HMCN2: variants seen among roughly 807,000 people sequenced by gnomAD.
HMCN2 encodes the protein hemicentin-2.
HMCN2 carries 325 observed loss-of-function variants against 377.5 expected under a neutral mutation model. The ratio of observed to expected loss-of-function variants is 0.86; its 90% confidence interval spans 0.79 to 0.94. The LOEUF (loss-of-function observed/expected upper bound fraction) is 0.94, where lower values mean the gene tolerates loss of function less well. HMCN2 is among the 40% of genes least tolerant of loss of function. The probability of loss-of-function intolerance (pLI) is 0.00; values close to 1 mark genes in which losing one functional copy is unlikely to be tolerated. For missense variants in HMCN2, 4,543 were observed against 4,725.3 expected (o/e 0.96, Z 1.13); for synonymous variants, 2,007 against 2,046.8 (o/e 0.98, Z 0.53).
rs1435694047 is a variant in HMCN2 at position 130,382,217 on chromosome 9, C to G, written c.8465C>G (p.Ala2822Gly). The G allele has an allele frequency of 4.1e-6, 4 of 985,736 alleles. No homozygotes were observed. In the African/African-American group the frequency reaches 7.0e-5, roughly 17 times the overall value. 61.1% of individuals were successfully genotyped at this position (985,736 alleles called of 1,614,324 possible). The change falls in exon 55 of 98, where the codon GCA (alanine) becomes GGA (glycine). Residue 2822 changes from alanine to glycine, a missense_variant. Physicochemically the swap from Ala to Gly is moderately conservative, Grantham distance 60. Transcript: ENST00000683500. Reference protein sequence around the residue: ...GRVLQIPLVRAENAGRYSCKA... With the variant: ...GRVLQIPLVRGENAGRYSCKA... ...GTCCTGCAGATCCCCCTGGTGCGGG[C>G]AGAGAACGCCGGGAGGTACTCGTGC...
intron 87 of HMCN2, among the ~76,000 whole-genome samples, chr9:130,424,101 C>T (rs1385940461): frequency 6.6e-6 from 1 of 151,594 alleles, no homozygotes; most frequent in Non-Finnish European, 1.5e-5. Context: ...CTACCTTAGC[C>T]TCCCCAGTAG....
At chr9:130,420,316 C>T (rs1261907151) in intron 86 of HMCN2, among the ~76,000 whole-genome samples, 5 of 151,976 alleles carry the variant, frequency 3.3e-5, no homozygotes, top group African/African-American at 4.8e-5. Flanking sequence ...CCTCGTGATC[C>T]GCCCATCTCG....
rs1457938448 is a variant in HMCN2 at position 130,422,209 on chromosome 9, C to T, written c.13232-368C>T. Among the ~76,000 whole-genome samples, 3 of 152,198 alleles carry T rather than the reference C, an allele frequency of 2.0e-5. No individual in the cohort carries two copies. The highest frequency in any genetic ancestry group is 1.3e-4 in the Admixed American group (2 of 15,290). On this transcript the variant is annotated intron_variant, in intron 86 of 97. Transcript: ENST00000683500. This position sits in a 1 kb window ranked among gnomAD's most constrained non-coding sequence, Gnocchi z 4.2. ...TGTGCCAGCCACGCCATCGTGGGCT[C>T]CCGGCATTTCAGAGACCCACAGGTC...
At chr9:130,337,120 G>A (rs930922732) in intron 22 of HMCN2, among the ~76,000 whole-genome samples, 1 of 152,164 alleles carries the variant, frequency 6.6e-6, no homozygotes, top group Non-Finnish European at 1.5e-5. Flanking sequence ...GAGCTGTGCG[G>A]AGCCAGCACA....
intron 76 of HMCN2, among the ~76,000 whole-genome samples, 195 bp downstream of exon 76, chr9:130,399,827 G>A (rs892271130): frequency 1.3e-5 from 2 of 152,202 alleles, no homozygotes; most frequent in Admixed American, 1.3e-4. Context: ...CCTGGCACAC[G>A]GGAGCTCACA....
chr9:130,287,546 T>C (rs1835481010), intron 4 of HMCN2, among the ~76,000 whole-genome samples: 1 of 105,790 alleles, frequency 9.5e-6, no homozygotes, highest in African/African-American at 4.0e-5. Flanking sequence ...AGTGAAACTC[T>C]GTCTTAAAAA....
At chr9:130,339,049 G>A (rs1270249672) in intron 23 of HMCN2, among the ~76,000 whole-genome samples, 5 of 151,754 alleles carry the variant, frequency 3.3e-5, no homozygotes, top group African/African-American at 7.3e-5. Context: ...TTAACCACTT[G>A]CAATGGTCCG....
chr9:130,284,212 G>GT (rs1241624706), intron 1 of HMCN2, among the ~76,000 whole-genome samples: 2 of 152,182 alleles, frequency 1.3e-5, no homozygotes, highest in African/African-American at 4.8e-5. Context: ...TGGATTGTTT[G>GT]TTTGCTTCTT....
chr9:130,376,111 C>A, intron 51 of HMCN2, 122 bp downstream of exon 51: 1 of 208,916 alleles, frequency 4.8e-6, no homozygotes, highest in Non-Finnish European at 8.3e-6. Context: ...TGTCCTCTGA[C>A]AGTCACCGGG....
At chr9:130,406,349 T>C (rs1843092936) in intron 82 of HMCN2, 181 bp downstream of exon 82, 24 of 409,132 alleles carry the variant, frequency 5.9e-5, no homozygotes, top group South Asian at 4.6e-4. Context: ...TGTGGCCATA[T>C]GTGACAAGCC....
At chr9:130,391,911 CCT>C in intron 65 of HMCN2, 22 bp from the exon 66 acceptor site, 1 of 985,988 alleles carries the variant, frequency 1.0e-6, no homozygotes, top group Non-Finnish European at 1.2e-6. Context: ...CCGCACTACC[CCT>C]CTTTTTTCTA....
intron 74 of HMCN2, 25 bp from the exon 75 acceptor site, chr9:130,398,526 C>T: frequency 8.5e-7 from 1 of 1,182,902 alleles, no homozygotes; most frequent in Non-Finnish European, 1.1e-6. Flanking sequence ...CTGCACCTGT[C>T]TCCTGACCAC....
At chr9:130,405,919 G>A in intron 81 of HMCN2, 36 bp from the exon 82 acceptor site, 3 of 1,260,446 alleles carry the variant, frequency 2.4e-6, no homozygotes, top group South Asian at 2.6e-5. Flanking sequence ...GCCGAGGTGG[G>A]GCAGTTCTCC....
chr9:130,403,557 G>A (rs575609747), intron 79 of HMCN2, among the ~76,000 whole-genome samples, 184 bp from the exon 80 acceptor site: 2 of 152,332 alleles, frequency 1.3e-5, no homozygotes, highest in Non-Finnish European at 2.9e-5. Flanking sequence ...GGCTGAGGTG[G>A]GAGGTCGGGA....
intron 19 of HMCN2, among the ~76,000 whole-genome samples, chr9:130,323,469 C>A (rs1837956417): frequency 6.6e-6 from 1 of 152,196 alleles, no homozygotes; most frequent in Non-Finnish European, 1.5e-5. Context: ...CTATCCATTC[C>A]AGAAGGGACG....
intron 93 of HMCN2, 77 bp from the exon 94 acceptor site, chr9:130,429,480 G>A: frequency 6.6e-7 from 1 of 1,524,586 alleles, no homozygotes; most frequent in Non-Finnish European, 8.8e-7. Context: ...CCCAGATATG[G>A]AGGGGGATGG....
intron 48 of HMCN2, 53 bp from the exon 49 acceptor site, chr9:130,374,449 G>C: frequency 1.1e-6 from 1 of 933,642 alleles, no homozygotes; most frequent in South Asian, 4.9e-5. Context: ...GTGACCCCTG[G>C]GCTGCCCTAG....
chr9:130,275,090 T>TCC (rs1554922547), intron 1 of HMCN2, among the ~76,000 whole-genome samples: 1 of 152,196 alleles, frequency 6.6e-6, no homozygotes, highest in African/African-American at 2.4e-5. Flanking sequence ...AGACTGTGTT[T>TCC]CCCCACACCG....
chr9:130,418,222 A>G (rs1339559389), intron 85 of HMCN2, among the ~76,000 whole-genome samples: 1 of 152,210 alleles, frequency 6.6e-6, no homozygotes, highest in Non-Finnish European at 1.5e-5. Context: ...AACAACAGAT[A>G]TGTAACTGCA....
Sources: gnomAD v4.1 joint callset for allele counts (sites outside exome capture counted in the v4.1 genomes callset) on GRCh38, gnomAD v4.1.1 for gene constraint, Gnocchi (gnomAD v3.1) non-coding constraint, MANE v1.5 for transcripts, NCBI Gene and HGNC (gene_info 2026-07-23, HGNC 2026-07-21) for gene names.